PNPLA8: variants seen among roughly 807,000 people sequenced by gnomAD.
PNPLA8 encodes patatin like domain 8, phospholipase A2.
Under a neutral mutation model 76.9 loss-of-function variants are expected in PNPLA8, and 39 were observed. The observed-to-expected ratio is 0.51, with a 90% CI of 0.39 to 0.66. The LOEUF (loss-of-function observed/expected upper bound fraction) is 0.66, where lower values mean the gene tolerates loss of function less well. Among genes scored for constraint, PNPLA8 ranks in the 30% least tolerant of loss-of-function variants. PNPLA8 has a pLI of 0.00. For synonymous variants in PNPLA8, 301 were observed against 307.9 expected (o/e 0.98, Z 0.24); for missense variants, 887 against 918.0 (o/e 0.97, Z 0.44).
intron 1 of PNPLA8, among the ~76,000 whole-genome samples, chr7:108,523,121 A>G (rs1863857904): frequency 6.6e-6 from 1 of 152,226 alleles, no homozygotes; most frequent in Non-Finnish European, 1.5e-5. Context: ...TGGAGGTACG[A>G]ATAAAACAAA....
chr7:108,505,181 G>C (rs538059391), intron 4 of PNPLA8, among the ~76,000 whole-genome samples: 62 of 149,600 alleles, frequency 4.1e-4, no homozygotes, highest in Non-Finnish European at 6.7e-4. Context: ...AACTGGATAA[G>C]TGTATTTTTT....
In PNPLA8 at chr7:108,514,862, A is replaced by G. The variant is rs770421725; in HGVS notation, c.630T>C (p.His210=). 4 of 1,609,544 alleles carry G rather than the reference A, an allele frequency of 2.5e-6. No homozygotes were observed. In the African/African-American group the frequency reaches 4.0e-5, roughly 16 times the overall value. Residue 210 remains histidine, a synonymous_variant, in exon 3 of 11, where the codon CAT becomes CAC. Coordinates refer to ENST00000257694, the MANE Select transcript of PNPLA8 (RefSeq NM_001256007.3). ...CCTTACGTTTGAAATATGAATTAAT[A>G]TGATTTGATAAAAAGTAGAATGAGT... ...FGDSFYFLSN[H]INSYFKRKEK...
intron 8 of PNPLA8, among the ~76,000 whole-genome samples, chr7:108,490,244 G>A (rs1861047050): frequency 1.3e-5 from 2 of 152,034 alleles, no homozygotes; most frequent in East Asian, 3.9e-4. Flanking sequence ...TGTGTAGTAG[G>A]CTATACCATC....
intron 1 of PNPLA8, among the ~76,000 whole-genome samples, chr7:108,521,725 G>C (rs1863750699): frequency 6.6e-6 from 1 of 152,080 alleles, no homozygotes; most frequent in Non-Finnish European, 1.5e-5. Flanking sequence ...AAGCATTCTA[G>C]TCAGAGAGAA....
chr7:108,479,042 A>C, intron 10 of PNPLA8, 142 bp downstream of exon 10: 2 of 595,366 alleles, frequency 3.4e-6, no homozygotes, highest in East Asian at 5.4e-5. Flanking sequence ...AAGGAAAACA[A>C]CAAAATGTTT....
intron 8 of PNPLA8, among the ~76,000 whole-genome samples, chr7:108,490,700 C>T (rs1726999046): frequency 6.6e-6 from 1 of 151,188 alleles, no homozygotes; most frequent in South Asian, 2.1e-4. Flanking sequence ...AGGAGAATGG[C>T]GTGAGCCCGG....
intron 10 of PNPLA8, 22 bp from the exon 11 acceptor site, chr7:108,472,697 G>T (rs765860810): frequency 4.0e-6 from 6 of 1,514,318 alleles, no homozygotes; most frequent in Non-Finnish European, 5.3e-6. Context: ...AAAAAGAAAA[G>T]GATAAGGGGA....
chr7:108,519,100 A>G (rs1201626810), intron 2 of PNPLA8, among the ~76,000 whole-genome samples: 1 of 152,044 alleles, frequency 6.6e-6, no homozygotes, highest in Non-Finnish European at 1.5e-5. Flanking sequence ...AAAACTGGCC[A>G]AATTTAAAAG....
chr7:108,523,441 A>G (rs1450030715), intron 1 of PNPLA8, among the ~76,000 whole-genome samples: 1 of 152,074 alleles, frequency 6.6e-6, no homozygotes, highest in Non-Finnish European at 1.5e-5. Flanking sequence ...TCTTTCCCAG[A>G]AATTTATAAG....
intron 9 of PNPLA8, among the ~76,000 whole-genome samples, chr7:108,483,335 G>A: frequency 6.6e-6 from 1 of 152,146 alleles, no homozygotes; most frequent in East Asian, 1.9e-4. Flanking sequence ...GATATACAGG[G>A]CTGTGTTGAC....
At chr7:108,482,993 C>G (rs1860504226) in intron 9 of PNPLA8, among the ~76,000 whole-genome samples, 1 of 152,146 alleles carries the variant, frequency 6.6e-6, no homozygotes, top group African/African-American at 2.4e-5. Flanking sequence ...GAAGAACACT[C>G]TTCATCTTTT....
chr7:108,516,135 T>A (rs1247672796), intron 2 of PNPLA8, among the ~76,000 whole-genome samples: 2 of 152,164 alleles, frequency 1.3e-5, no homozygotes, highest in African/African-American at 4.8e-5. Flanking sequence ...GCTCATTAAA[T>A]CAAGTAAGTC....
In PNPLA8 at chr7:108,496,979, AGGGATTTAC is replaced by A. The variant is rs538662968; in HGVS notation, c.1454-233_1454-225del. On this transcript the variant is annotated intron_variant, in intron 6 of 10. Coordinates refer to ENST00000257694, the MANE Select transcript of PNPLA8 (RefSeq NM_001256007.3). ...TGTCTTACTGGGTTAACAAATGTAA[AGGGATTTAC>A]CAGGTCTCAAAAAGGATTAAATAAA... Among the ~76,000 whole-genome samples, 871 of 152,316 alleles carry A rather than the reference AGGGATTTAC, an allele frequency of 5.7e-3. 3 individuals are homozygous for A. The highest frequency in any genetic ancestry group is 9.0e-3 in the Non-Finnish European group (613 of 68,022).
At chr7:108,525,041 AG>A in intron 1 of PNPLA8, among the ~76,000 whole-genome samples, 1 of 152,366 alleles carries the variant, frequency 6.6e-6, no homozygotes, top group Non-Finnish European at 1.5e-5. Flanking sequence ...ACTCATTAAA[AG>A]GGCGTTTACA....
intron 8 of PNPLA8, 118 bp downstream of exon 8, chr7:108,491,292 A>G: frequency 1.5e-6 from 1 of 664,952 alleles, no homozygotes; most frequent in Non-Finnish European, 2.6e-6. Context: ...GGGCAATAAG[A>G]GTGAAACTCT....
At chr7:108,505,343 T>C (rs1372512040) in intron 4 of PNPLA8, among the ~76,000 whole-genome samples, 4 of 10,412 alleles carry the variant, frequency 3.8e-4, no homozygotes, top group African/African-American at 5.9e-4. Context: ...TATATATATA[T>C]ATATATATAT....
chr7:108,482,340 C>T (rs531755223), intron 9 of PNPLA8, among the ~76,000 whole-genome samples: 5 of 152,120 alleles, frequency 3.3e-5, no homozygotes, highest in African/African-American at 4.8e-5. Flanking sequence ...GGGGTGGTGG[C>T]GCACACCTGT....
intron 4 of PNPLA8, among the ~76,000 whole-genome samples, chr7:108,508,835 T>C (rs1391431430): frequency 1.4e-5 from 2 of 146,672 alleles, no homozygotes; most frequent in African/African-American, 2.5e-5. Context: ...GAGATATAGA[T>C]CAATGGAACA....
intron 7 of PNPLA8, among the ~76,000 whole-genome samples, chr7:108,494,210 A>T (rs1861400912): frequency 6.6e-6 from 1 of 152,188 alleles, no homozygotes; most frequent in Non-Finnish European, 1.5e-5. Context: ...TTATTTATTT[A>T]TTTTTAAATT....
Sources: gnomAD v4.1 joint callset for allele counts (sites outside exome capture counted in the v4.1 genomes callset) on GRCh38, gnomAD v4.1.1 for gene constraint, MANE v1.5 for transcripts, NCBI Gene and HGNC (gene_info 2026-07-23, HGNC 2026-07-21) for gene names.